FSTL5: variants seen among roughly 807,000 people sequenced by gnomAD.
The protein encoded by FSTL5 is follistatin like 5.
A neutral mutation model predicts 89.1 loss-of-function variants in FSTL5; 62 were observed. That is an observed-to-expected ratio of 0.70 (90% CI 0.57 to 0.86). The LOEUF is 0.86. Among genes scored for constraint, FSTL5 ranks in the 40% least tolerant of loss-of-function variants. The pLI, the probability that FSTL5 is intolerant of heterozygous loss-of-function variation, is 0.00. For missense variants in FSTL5, 1,057 were observed against 1,001.6 expected (o/e 1.06, Z -0.75); for synonymous variants, 383 against 346.2 (o/e 1.11, Z -1.18).
At chr4:162,025,133 T>A (rs1288519256) in intron 3 of FSTL5, among the ~76,000 whole-genome samples, 3 of 152,078 alleles carry the variant, frequency 2.0e-5, no homozygotes. Flanking sequence ...AAGAATAGTG[T>A]TAGTCTAAAA....
At position 161,872,140 on chromosome 4, in the gene FSTL5, G is replaced by GTTTTTT. The variant is rs1491313878; in HGVS notation, c.409+48263_409+48264insAAAAAA. Among the ~76,000 whole-genome samples the GTTTTTT allele has an allele frequency of 4.2e-3, 280 of 67,428 alleles. 7 individuals are homozygous for GTTTTTT. The highest frequency in any genetic ancestry group is 0.014 in the Middle Eastern group (1 of 74). 44.2% of individuals were successfully genotyped at this position (67,428 alleles called of 152,430 possible). On this transcript the variant is annotated intron_variant, in intron 4 of 15. Transcript: ENST00000306100. ...GGCTTTGTAGTTTGTTTTTTTTTTTGGTTTTTTTTTTTTTTTTTGTAGAGA... is the reference window on the plus strand; with the variant it reads ...GGCTTTGTAGTTTGTTTTTTTTTTTGTTTTTTGTTTTTTTTTTTTTTTTTGTAGAGA...
intron 3 of FSTL5, among the ~76,000 whole-genome samples, chr4:162,022,317 GAT>G (rs1448295000): frequency 3.3e-5 from 5 of 151,528 alleles, no homozygotes; most frequent in Admixed American, 2.0e-4. Context: ...TATTAAACAT[GAT>G]ATGTCATACA....
At chr4:161,975,519 C>T (rs866526953) in intron 3 of FSTL5, among the ~76,000 whole-genome samples, 34 of 147,164 alleles carry the variant, frequency 2.3e-4, no homozygotes, top group Middle Eastern at 3.3e-3. Flanking sequence ...AACCAAACAC[C>T]GCATATTCTC....
intron 13 of FSTL5, among the ~76,000 whole-genome samples, chr4:161,461,499 C>T (rs1179187075): frequency 7.2e-6 from 1 of 138,848 alleles, no homozygotes; most frequent in Non-Finnish European, 1.6e-5. Context: ...AAGAGGAAAA[C>T]CCAATACTTT....
intron 9 of FSTL5, 144 bp from the exon 10 acceptor site, chr4:161,538,444 A>T: frequency 1.2e-6 from 1 of 844,786 alleles, no homozygotes; most frequent in South Asian, 1.6e-5. Flanking sequence ...AGGCATGCCA[A>T]ATTATTCCAG....
intron 4 of FSTL5, among the ~76,000 whole-genome samples, chr4:161,896,626 A>T (rs999877462): frequency 6.6e-6 from 1 of 152,204 alleles, no homozygotes; most frequent in Non-Finnish European, 1.5e-5. Flanking sequence ...CAGGTGTGGA[A>T]GCTGATAACA....
chr4:162,065,534 T>C (rs1283616892), intron 2 of FSTL5, among the ~76,000 whole-genome samples: 1 of 151,906 alleles, frequency 6.6e-6, no homozygotes, highest in Non-Finnish European at 1.5e-5. Context: ...AGCATAGCTA[T>C]TATCAAAAAG....
chr4:161,962,911 G>A (rs1339965797), intron 3 of FSTL5, among the ~76,000 whole-genome samples: 1 of 151,912 alleles, frequency 6.6e-6, no homozygotes, highest in African/African-American at 2.4e-5. Context: ...TCATATGCTA[G>A]ATTCATGATT....
intron 1 of FSTL5, among the ~76,000 whole-genome samples, chr4:162,144,501 C>T (rs1401323955): frequency 6.6e-6 from 1 of 152,084 alleles, no homozygotes. Flanking sequence ...CATGCAATCA[C>T]TCAAATACAG....
At chr4:161,863,628 A>C (rs1282137167) in intron 4 of FSTL5, among the ~76,000 whole-genome samples, 1 of 152,208 alleles carries the variant, frequency 6.6e-6, no homozygotes, top group Non-Finnish European at 1.5e-5. Context: ...GGTTTCCACA[A>C]GAAGTGATTT....
intron 3 of FSTL5, among the ~76,000 whole-genome samples, chr4:161,981,118 A>T (rs1735816781): frequency 6.6e-6 from 1 of 152,126 alleles, no homozygotes; most frequent in Non-Finnish European, 1.5e-5. Context: ...TTTGTCTGCC[A>T]AATGCAAAGG....
intron 3 of FSTL5, among the ~76,000 whole-genome samples, chr4:162,012,849 G>C (rs1376572925): frequency 6.6e-6 from 1 of 151,926 alleles, no homozygotes; most frequent in Non-Finnish European, 1.5e-5. Flanking sequence ...TATTTAATTA[G>C]AATTCTGAAA....
chr4:162,027,105 T>A (rs976630370), intron 3 of FSTL5, among the ~76,000 whole-genome samples: 3 of 152,152 alleles, frequency 2.0e-5, no homozygotes, highest in South Asian at 4.1e-4. Context: ...TGAAAACTCT[T>A]CTGGTTGATG....
chr4:161,624,905 C>T (rs1735262757), intron 7 of FSTL5, among the ~76,000 whole-genome samples: 2 of 151,980 alleles, frequency 1.3e-5, no homozygotes, highest in Admixed American at 6.6e-5. Context: ...GAAGTCCTAC[C>T]GGAAGCAGCA....
chr4:161,984,795 T>C (rs912117641), intron 3 of FSTL5, among the ~76,000 whole-genome samples: 5 of 152,146 alleles, frequency 3.3e-5, no homozygotes, highest in East Asian at 1.9e-4. Flanking sequence ...TTTACTAGTA[T>C]AGCAGTGGTA....
At chr4:161,387,330 G>A (rs1000412125) in intron 15 of FSTL5, 16 of 151,934 alleles carry the variant, frequency 1.1e-4, no homozygotes, top group African/African-American at 3.4e-4. Context: ...AATATTGATT[G>A]TCACCTTCTA....
intron 4 of FSTL5, among the ~76,000 whole-genome samples, chr4:161,799,469 C>G (rs1049508259): frequency 6.6e-6 from 1 of 151,438 alleles, no homozygotes; most frequent in African/African-American, 2.4e-5. Context: ...AGATTTTTGC[C>G]TGAACTGTTT....
At chr4:161,844,017 A>C (rs1457948129) in intron 4 of FSTL5, among the ~76,000 whole-genome samples, 2 of 152,152 alleles carry the variant, frequency 1.3e-5, no homozygotes, top group East Asian at 3.9e-4. Flanking sequence ...CAACCTATAG[A>C]ATTGGAGAAA....
intron 3 of FSTL5, among the ~76,000 whole-genome samples, chr4:161,954,189 C>T (rs1428028430): frequency 6.6e-6 from 1 of 151,418 alleles, no homozygotes; most frequent in African/African-American, 2.4e-5. Flanking sequence ...GGGACAGATC[C>T]ACAATATACA....
Sources: allele counts gnomAD v4.1 joint callset (sites outside exome capture counted in the v4.1 genomes callset), GRCh38; gene constraint gnomAD v4.1.1; transcripts MANE v1.5; gene names NCBI Gene and HGNC (gene_info 2026-07-23, HGNC 2026-07-21).